LAMB1: variants seen among roughly 807,000 people sequenced by gnomAD.
LAMB1 encodes the protein laminin subunit beta 1.
A neutral mutation model predicts 222.3 loss-of-function variants in LAMB1; 121 were observed. That is an observed-to-expected ratio of 0.54 (90% confidence interval 0.47 to 0.63). The LOEUF (loss-of-function observed/expected upper bound fraction) is 0.63. Ranked by LOEUF, LAMB1 falls within the 30% of genes least tolerant of loss-of-function variation. LAMB1 has a pLI of 0.00. For missense variants in LAMB1, 2,172 were observed against 2,240.8 expected (o/e 0.97, Z 0.62); for synonymous variants, 794 against 807.2 (o/e 0.98, Z 0.28).
In LAMB1 at chr7:107,955,502, A is replaced by G. The variant is rs765951567; in HGVS notation, c.2819T>C (p.Leu940Ser). ...AGGATCACAAACACAGGCAAGCTGTAAAGTAACAGGATCTTGGTAGCAGCT... is the reference window on the plus strand; with the variant it reads ...AGGATCACAAACACAGGCAAGCTGTGAAGTAACAGGATCTTGGTAGCAGCT... Reference protein sequence around the residue: ...ARSCYQDPVTLQLACVCDPGY... With the variant: ...ARSCYQDPVTSQLACVCDPGY... The change falls in exon 21 of 34, where the codon TTA (leucine) becomes TCA (serine). Residue 940 changes from leucine to serine, a missense_variant. Physicochemically the swap from Leu to Ser is moderately radical, Grantham distance 145. Transcript: ENST00000222399. 4 of 1,614,120 alleles carry G rather than the reference A, an allele frequency of 2.5e-6. No homozygotes were observed. Among genetic ancestry groups the G allele is most frequent in the Non-Finnish European group, 3.4e-6 (4 of 1,180,008 alleles).
In LAMB1 at chr7:107,935,467, T is replaced by C. The variant is rs761792307; in HGVS notation, c.4136A>G (p.Asp1379Gly). The C allele has an allele frequency of 1.9e-6, 3 of 1,571,490 alleles. No individual in the cohort carries two copies. The South Asian group carries it at 3.3e-5, about 17-fold the overall frequency. ...GCTTTGTAGCTTGCCTGCCAGTTCA[T>C]CAAGGAGGCGAGCCTGCTCCTCTTG... ...EKQEEQARLL[D>G]ELAGKLQSLD... The change falls in exon 27 of 34, where the codon GAT (aspartate) becomes GGT (glycine). Residue 1379 changes from aspartate (D) to glycine (G), a missense_variant. By Grantham distance (94) the Asp-to-Gly change is moderately conservative. Coordinates refer to ENST00000222399, the MANE Select transcript of LAMB1 (RefSeq NM_002291.3).
intron 3 of LAMB1, chr7:108,000,094 AT>A (rs2034354615): frequency 1.3e-5 from 2 of 152,116 alleles, no homozygotes; most frequent in African/African-American, 2.4e-5. Context: ...TGTTAGCATA[AT>A]ATTGTAGGTA....
chr7:107,965,965 G>C (rs559632919), intron 13 of LAMB1, among the ~76,000 whole-genome samples: 36 of 151,880 alleles, frequency 2.4e-4, no homozygotes, highest in African/African-American at 8.2e-4. Context: ...AGGTGTAGGG[G>C]CACACACCTG....
chr7:107,950,526 TG>T (rs750797604), intron 24 of LAMB1, among the ~76,000 whole-genome samples: 9 of 152,222 alleles, frequency 5.9e-5, no homozygotes, highest in Non-Finnish European at 1.2e-4. Context: ...AGTTTTTGTT[TG>T]TAAGAAAATG....
chr7:107,959,621 G>A, intron 19 of LAMB1, 70 bp downstream of exon 19: 6 of 1,613,752 alleles, frequency 3.7e-6, no homozygotes, highest in Non-Finnish European at 5.1e-6. Flanking sequence ...CGGCTCTGCA[G>A]CAATGGAACC....
chr7:107,998,408 C>T lies in LAMB1; in HGVS notation c.298G>A (p.Val100Ile), dbSNP rs1245592269. 1 of 1,614,046 alleles carries T rather than the reference C, an allele frequency of 6.2e-7. No individual in the cohort carries two copies. The highest frequency in any genetic ancestry group is 8.5e-7 in the Non-Finnish European group (1 of 1,179,936). Residue 100 changes from valine to isoleucine, a missense_variant, in exon 4 of 34, where the codon GTC (valine) becomes ATC (isoleucine). Transcript: ENST00000222399. ...NPDSHLIENVVTTFAPNRLKI... is the reference protein window; with the variant it reads ...NPDSHLIENVITTFAPNRLKI... ...AGGCGGTTTGGAGCAAATGTAGTGA[C>T]CACATTTTCAATGAGATGGCTGTCA...
intron 4 of LAMB1, among the ~76,000 whole-genome samples, chr7:107,995,956 G>A (rs1411296702): frequency 1.3e-5 from 2 of 152,120 alleles, no homozygotes; most frequent in Non-Finnish European, 2.9e-5. Context: ...GGGGCGGGGG[G>A]TGAGGAAAGT....
At chr7:107,997,410 G>T (rs946931008) in intron 4 of LAMB1, among the ~76,000 whole-genome samples, 2 of 152,144 alleles carry the variant, frequency 1.3e-5, no homozygotes, top group African/African-American at 2.4e-5. Flanking sequence ...GTGAAAGAGG[G>T]AGACTCTGCC....
In LAMB1 at chr7:107,926,217, T is replaced by C. The variant is rs964560200; in HGVS notation, c.5030A>G (p.Tyr1677Cys). The change falls in exon 32 of 34, where the codon TAT becomes TGT. Residue 1677 changes from tyrosine to cysteine, a missense_variant. Coordinates refer to ENST00000222399, the MANE Select transcript of LAMB1 (RefSeq NM_002291.3). ...GEAEYIEKVV[Y>C]TVKQSAEDVK... Reference sequence around the variant, plus strand: ...ATCTTCTGCACTTTGCTTCACAGTATATACTACTTTTTCAATATATTCTGC... The same window carrying C: ...ATCTTCTGCACTTTGCTTCACAGTACATACTACTTTTTCAATATATTCTGC... The C allele has an allele frequency of 1.2e-6, 2 of 1,613,828 alleles. No individual in the cohort carries two copies. The highest frequency in any genetic ancestry group is 1.7e-6 in the Non-Finnish European group (2 of 1,179,832).
intron 13 of LAMB1, among the ~76,000 whole-genome samples, chr7:107,969,980 T>C: frequency 6.6e-6 from 1 of 152,244 alleles, no homozygotes. Context: ...ACTTCCGTTC[T>C]GGATTCGAAG....
intron 7 of LAMB1, among the ~76,000 whole-genome samples, chr7:107,982,604 G>C (rs914542064): frequency 1.6e-4 from 24 of 152,118 alleles, no homozygotes; most frequent in African/African-American, 5.8e-4. Flanking sequence ...CTATTGACAA[G>C]AGGCCAAACA....
chr7:107,931,648 A>G (rs1175561846), intron 28 of LAMB1, 148 bp from the exon 29 acceptor site: 1 of 728,582 alleles, frequency 1.4e-6, no homozygotes, highest in Admixed American at 2.7e-5. Flanking sequence ...TCAACAAAGT[A>G]TTGTATCTTA....
intron 20 of LAMB1, among the ~76,000 whole-genome samples, chr7:107,958,656 A>T (rs372715962): frequency 6.6e-6 from 1 of 152,226 alleles, no homozygotes; most frequent in Non-Finnish European, 1.5e-5. Flanking sequence ...TAACTTTTTC[A>T]TACGGAGTAT....
chr7:107,966,276 T>C (rs1463231045), intron 13 of LAMB1, among the ~76,000 whole-genome samples: 1 of 151,906 alleles, frequency 6.6e-6, no homozygotes, highest in African/African-American at 2.4e-5. Flanking sequence ...AGTGGAACGA[T>C]CTCGGTTCAC....
chr7:107,956,354 C>A (rs929797249), intron 20 of LAMB1, among the ~76,000 whole-genome samples: 1 of 152,238 alleles, frequency 6.6e-6, no homozygotes, highest in Non-Finnish European at 1.5e-5. Flanking sequence ...CAATCACAAT[C>A]ACCTGAAACA....
rs150301364 is a variant in LAMB1, at chr7:107,976,440, C to T, written c.1001-563G>A. ...AGCTAGCTGACCCCCTTGGGTGCAG[C>T]GCTTCCTTCTGCGAGCCCATTCGGC... On this transcript the variant is annotated intron_variant, in intron 9 of 33. Transcript: ENST00000222399. Among the ~76,000 whole-genome samples, 541 of 152,304 alleles carry T rather than the reference C, an allele frequency of 3.6e-3. 2 individuals are homozygous for T. Among genetic ancestry groups the T allele is most frequent in the African/African-American group, 0.012 (516 of 41,572 alleles).
At position 107,959,814 on chromosome 7, in the gene LAMB1, C is replaced by A. The variant is rs182916295; in HGVS notation, c.2335G>T (p.Gly779Cys). The change falls in exon 19 of 34, where the codon GGT becomes TGT. Residue 779 changes from glycine (G) to cysteine (C), a missense_variant. Transcript: ENST00000222399. ...TGLACECDPQ[G>C]SLSSVCDPNG... ...GGATCACACACGGAACTTAACGAAC[C>A]CTGAGGGTCGCATTCACAAGCTGTG... 5 of 1,613,360 alleles carry A rather than the reference C, an allele frequency of 3.1e-6. No homozygotes were observed. In the African/African-American group the frequency reaches 4.0e-5, roughly 13 times the overall value.
rs1228948954 is a variant in LAMB1 at position 107,980,601 on chromosome 7, T to G, written c.879+8A>C. 1 of 1,609,938 alleles carries G rather than the reference T, an allele frequency of 6.2e-7. No homozygotes were observed. The highest frequency in any genetic ancestry group is 1.7e-5 in the Admixed American group (1 of 60,026). On this transcript the variant is annotated splice_region_variant and intron_variant, in intron 8 of 33. Transcript: ENST00000222399. Reference sequence around the variant, plus strand: ...TAAAGGAGAAAGGTGCACAGAGGGCTTACTTACCATTCCTTCCACTTCTTC... The same window carrying G: ...TAAAGGAGAAAGGTGCACAGAGGGCGTACTTACCATTCCTTCCACTTCTTC...
At chr7:107,981,696 CA>C (rs1166151353) in intron 7 of LAMB1, among the ~76,000 whole-genome samples, 3 of 152,214 alleles carry the variant, frequency 2.0e-5, no homozygotes, top group Admixed American at 1.3e-4. Flanking sequence ...CTGCTTCCCA[CA>C]GCAATTAATG....
Sources: allele counts gnomAD v4.1 joint callset (sites outside exome capture counted in the v4.1 genomes callset), GRCh38; gene constraint gnomAD v4.1.1; transcripts MANE v1.5; gene names NCBI Gene and HGNC (gene_info 2026-07-23, HGNC 2026-07-21).